The following LRRC56 variants were observed in gnomAD, a reference collection of about 807,000 sequenced individuals.
The protein encoded by LRRC56 is leucine-rich repeat-containing protein 56.
A neutral mutation model predicts 47.8 loss-of-function variants in LRRC56; 41 were observed. The ratio of observed to expected loss-of-function variants is 0.86; its 90% CI spans 0.67 to 1.11. LRRC56 has a LOEUF of 1.11. Ranked by LOEUF, LRRC56 falls within the 50% of genes most tolerant of loss-of-function variation. LRRC56 has a pLI of 0.00. For synonymous variants in LRRC56, 387 were observed against 311.2 expected (o/e 1.24, Z -2.56); for missense variants, 759 against 704.2 (o/e 1.08, Z -0.88).
rs907641620 is a variant in LRRC56, at chr11:544,590, G to A, written c.266-130G>A. On this transcript the variant is annotated intron_variant, in intron 5 of 13. Transcript: ENST00000270115. Reference sequence around the variant, plus strand: ...TGCCACGTAACCCCTCCTGTGGTGTGGAGGGAGGCTTGTGAGGCTGGCCCA... The same window carrying A: ...TGCCACGTAACCCCTCCTGTGGTGTAGAGGGAGGCTTGTGAGGCTGGCCCA... 6 of 926,212 alleles carry A rather than the reference G, an allele frequency of 6.5e-6. No individual in the cohort carries two copies. In the Admixed American group the frequency reaches 7.9e-5, roughly 12 times the overall value. The allele number at this position is 926,212 out of a possible 1,614,324, so 57.4% of individuals were successfully genotyped here.
chr11:511,819 C>A, the LRRC56 span, among the ~76,000 whole-genome samples: 1 of 152,214 alleles, frequency 6.6e-6, no homozygotes, highest in Non-Finnish European at 1.5e-5. Flanking sequence ...GAGCTAGCCT[C>A]TGGGAACCGG....
At position 551,900 on chromosome 11, in the gene LRRC56, C is replaced by T. The variant is rs1380109080; in HGVS notation, c.974-3C>T. On this transcript the variant is annotated splice_polypyrimidine_tract_variant and splice_region_variant and intron_variant, in intron 10 of 13. Transcript: ENST00000270115. The stretch of plus-strand genomic sequence containing the variant: ...CCAGGCCCAGCCATGCTGTCTCTTG[C>T]AGGTGCTGGCCAAGTCCTCTGTGGG... 2 of 1,612,614 alleles carry T rather than the reference C, an allele frequency of 1.2e-6. No individual in the cohort carries two copies. The highest frequency in any genetic ancestry group is 1.7e-5 in the Admixed American group (1 of 59,984).
chr11:551,863 C>G (rs756264349), intron 10 of LRRC56, 36 bp downstream of exon 10: 36 of 1,610,010 alleles, frequency 2.2e-5, no homozygotes, highest in Non-Finnish European at 3.1e-5. Context: ...CCTGCAGCCC[C>G]TCGGCCCCGA....
At chr11:514,874 C>G in the LRRC56 span, among the ~76,000 whole-genome samples, 9 of 152,152 alleles carry the variant, frequency 5.9e-5, no homozygotes, top group African/African-American at 2.2e-4. Flanking sequence ...ACTTCCAGCA[C>G]TACCGAGGTT....
chr11:545,564 G>A (rs78241130), intron 6 of LRRC56, among the ~76,000 whole-genome samples: 14,823 of 150,792 alleles, frequency 0.098, 865 homozygotes, highest in South Asian at 0.18. Context: ...CGGACCAGAC[G>A]GCAGCTCCCG....
At chr11:508,147 C>T in the LRRC56 span, among the ~76,000 whole-genome samples, 1 of 152,198 alleles carries the variant, frequency 6.6e-6, no homozygotes, top group Non-Finnish European at 1.5e-5. Context: ...ATTTGCTAAA[C>T]CTCTCCTCTG....
At chr11:532,846 GC>G (rs1179119995), upstream of LRRC56, 3 of 1,329,460 alleles carry the variant, frequency 2.3e-6, no homozygotes, top group East Asian at 4.8e-5. Context: ...GCCTTGCCTG[GC>G]CCGAAGCTCC....
At chr11:535,928 C>T (rs1851470594), upstream of LRRC56, among the ~76,000 whole-genome samples, 1 of 152,110 alleles carries the variant, frequency 6.6e-6, no homozygotes, top group East Asian at 1.9e-4. Context: ...CTCCCTGCGC[C>T]GGCAGCGCGG....
the LRRC56 span, among the ~76,000 whole-genome samples, chr11:513,747 A>G: frequency 8.6e-5 from 13 of 150,766 alleles, no homozygotes; most frequent in Non-Finnish European, 1.3e-4. Flanking sequence ...ACTTGAACCC[A>G]GGAGGCAGAG....
At position 541,327 on chromosome 11, in the gene LRRC56, C is replaced by T. The variant is rs887375425; in HGVS notation, c.178-210C>T. Among the ~76,000 whole-genome samples, 1 of 152,182 alleles carries T rather than the reference C, an allele frequency of 6.6e-6. No homozygotes were observed. Among genetic ancestry groups the T allele is most frequent in the East Asian group, 1.9e-4 (1 of 5,180 alleles). On this transcript the variant is annotated intron_variant, in intron 4 of 13. Transcript: ENST00000270115. This position sits in a 1 kb window ranked among gnomAD's most constrained non-coding sequence, Gnocchi z 4.1. ...CAGCCCCCAGGGCAGGTCCTTCTCC[C>T]GCAATGACCCCCCAGCCAAGTGCAG...
the LRRC56 span, among the ~76,000 whole-genome samples, chr11:521,646 G>A: frequency 2.0e-5 from 3 of 152,308 alleles, no homozygotes; most frequent in Admixed American, 2.0e-4. Context: ...CCGGTGAGGT[G>A]GCTCACGCCT....
intron 6 of LRRC56, among the ~76,000 whole-genome samples, chr11:546,163 A>G (rs12274746): frequency 0.14 from 21,250 of 152,130 alleles, 1,674 homozygotes; most frequent in African/African-American, 0.19. Flanking sequence ...CCAGCTGCTC[A>G]GGAGGCTGAG....
chr11:553,825 A>G (rs910559776), intron 13 of LRRC56, 138 bp from the exon 14 acceptor site: 1 of 717,700 alleles, frequency 1.4e-6, no homozygotes, highest in Non-Finnish European at 2.4e-6. Flanking sequence ...AGTGGGGTGC[A>G]GGGGTGCTGC....
intron 6 of LRRC56, among the ~76,000 whole-genome samples, chr11:547,477 C>G (rs1388666925): frequency 6.6e-6 from 1 of 151,730 alleles, no homozygotes; most frequent in Non-Finnish European, 1.5e-5. Flanking sequence ...CTCAGCCTCC[C>G]GAGTAGCTGG....
chr11:508,102 G>A, the LRRC56 span, among the ~76,000 whole-genome samples: 1 of 152,240 alleles, frequency 6.6e-6, no homozygotes, highest in African/African-American at 2.4e-5. Context: ...TTGCAAGTAA[G>A]GAAACTAACG....
chr11:533,495 G>T, upstream of LRRC56: 1 of 1,613,666 alleles, frequency 6.2e-7, no homozygotes, highest in Non-Finnish European at 8.5e-7. Flanking sequence ...GGATGCCGTA[G>T]CTTCGGGCGA....
At chr11:524,584 T>A in the LRRC56 span, among the ~76,000 whole-genome samples, 1 of 151,850 alleles carries the variant, frequency 6.6e-6, no homozygotes, top group African/African-American at 2.4e-5. Flanking sequence ...TAAGCCGAGA[T>A]TGCACCATTG....
intron 1 of LRRC56, among the ~76,000 whole-genome samples, chr11:537,859 G>A (rs1851600702): frequency 1.3e-5 from 2 of 152,206 alleles, no homozygotes; most frequent in Admixed American, 1.3e-4. Flanking sequence ...AGACTCAGAG[G>A]CAATGACCCA....
At chr11:508,748 C>G in the LRRC56 span, among the ~76,000 whole-genome samples, 4 of 148,674 alleles carry the variant, frequency 2.7e-5, no homozygotes, top group African/African-American at 1.0e-4. Context: ...GTTCGGGCAA[C>G]AAGATGAAAC....
Sources: allele counts gnomAD v4.1 joint callset (sites outside exome capture counted in the v4.1 genomes callset), GRCh38; gene constraint gnomAD v4.1.1; non-coding constraint Gnocchi (gnomAD v3.1); transcripts MANE v1.5; gene names NCBI Gene and HGNC (gene_info 2026-07-23, HGNC 2026-07-21).